FAM186A: variants seen among roughly 807,000 people sequenced by gnomAD.
FAM186A encodes the protein protein FAM186A.
Under a neutral mutation model 216.8 loss-of-function variants are expected in FAM186A, and 163 were observed. The observed-to-expected ratio is 0.75, with a 90% confidence interval of 0.66 to 0.86. FAM186A has a LOEUF of 0.86. Ranked by LOEUF, FAM186A falls within the 40% of genes least tolerant of loss-of-function variation. The pLI, the probability that FAM186A is intolerant of heterozygous loss-of-function variation, is 0.00. For synonymous variants in FAM186A, 805 were observed against 1,025.3 expected (o/e 0.79, Z 4.10); for missense variants, 2,184 against 2,746.2 (o/e 0.80, Z 4.58).
chr12:50,327,993 A>G (rs761103517), intron 7 of FAM186A, among the ~76,000 whole-genome samples: 13 of 152,194 alleles, frequency 8.5e-5, no homozygotes, highest in Non-Finnish European at 1.8e-4. Flanking sequence ...TTGATAATTA[A>G]TGATTGTTAT....
In FAM186A at chr12:50,337,460, T is replaced by A. The variant is rs1018317026; in HGVS notation, c.6504-3357A>T. ...ATAGGCACACCGTCAGGCCTGCCAA[T>A]TTTTTTTTTTTTTTTTTAAGTAGAG... is the stretch of plus-strand genomic sequence containing the variant. On this transcript the variant is annotated intron_variant, in intron 4 of 7. Transcript: ENST00000327337. 1.3e-3 allele frequency among the ~76,000 whole-genome samples: 161 copies of A among 127,082 alleles called. 2 individuals are homozygous for A. The highest frequency in any genetic ancestry group is 4.4e-3 in the African/African-American group (153 of 34,572). 83.4% of individuals were successfully genotyped at this position (127,082 alleles called of 152,430 possible).
chr12:50,340,642 T>G (rs1942753702), intron 4 of FAM186A, among the ~76,000 whole-genome samples: 2 of 151,254 alleles, frequency 1.3e-5, no homozygotes, highest in South Asian at 4.2e-4. Context: ...ACCAATGCAC[T>G]CCAGCCTGGT....
At chr12:50,376,543 C>G (rs1286577725) in intron 1 of FAM186A, among the ~76,000 whole-genome samples, 1 of 152,036 alleles carries the variant, frequency 6.6e-6, no homozygotes, top group Non-Finnish European at 1.5e-5. Flanking sequence ...CTAGGAGTCT[C>G]TGAGTCTGGC....
At chr12:50,331,886 T>G in intron 5 of FAM186A, 65 bp from the exon 6 acceptor site, 2 of 1,384,250 alleles carry the variant, frequency 1.4e-6, no homozygotes, top group Non-Finnish European at 1.9e-6. Context: ...AGAAGGGTCT[T>G]CAGAGCTGGC....
At chr12:50,346,220 G>GAGAGAAGGAAAGAAAGAAAAAGAAA (rs1555215373) in intron 4 of FAM186A, among the ~76,000 whole-genome samples, 2 of 46,744 alleles carry the variant, frequency 4.3e-5, no homozygotes, top group Non-Finnish European at 7.5e-5. Context: ...AGAGAGAGAA[G>GAGAGAAGGAAAGAAAGAAAAAGAAA]GAAAGAAAGA....
intron 4 of FAM186A, among the ~76,000 whole-genome samples, chr12:50,341,521 A>G (rs997712701): frequency 2.6e-5 from 4 of 152,184 alleles, no homozygotes; most frequent in African/African-American, 4.8e-5. Context: ...AAAGTCTTCA[A>G]TAAATCTAAA....
chr12:50,358,780 A>T (rs1413683421), intron 3 of FAM186A, among the ~76,000 whole-genome samples: 1 of 150,958 alleles, frequency 6.6e-6, no homozygotes, highest in Non-Finnish European at 1.5e-5. Context: ...AAAATTAACC[A>T]TGCGTGGTGG....
intron 4 of FAM186A, among the ~76,000 whole-genome samples, chr12:50,337,733 T>C (rs773763404): frequency 1.6e-4 from 24 of 151,858 alleles, no homozygotes; most frequent in Non-Finnish European, 2.5e-4. Context: ...CCGTCCCTAC[T>C]AAAAATACAA....
chr12:50,332,277 T>C (rs1942663576), intron 5 of FAM186A, among the ~76,000 whole-genome samples: 1 of 152,230 alleles, frequency 6.6e-6, no homozygotes, highest in African/African-American at 2.4e-5. Context: ...GCTGATTTGG[T>C]ATTTATAACA....
chr12:50,334,207 G>A, intron 4 of FAM186A, 104 bp from the exon 5 acceptor site: 1 of 1,039,970 alleles, frequency 9.6e-7, no homozygotes, highest in East Asian at 2.7e-5. Flanking sequence ...TTTCGATCTT[G>A]TTGCCCAGGC....
intron 3 of FAM186A, 74 bp from the exon 4 acceptor site, chr12:50,356,322 A>G (rs1942977283): frequency 8.0e-7 from 1 of 1,251,976 alleles, no homozygotes; most frequent in Non-Finnish European, 1.1e-6. Context: ...GTTTAAATCT[A>G]AGGAATTTAG....
chr12:50,375,526 G>A (rs541616072), intron 1 of FAM186A, among the ~76,000 whole-genome samples: 2 of 150,208 alleles, frequency 1.3e-5, no homozygotes, highest in African/African-American at 4.9e-5. Context: ...TCCAACCTGG[G>A]CAACAAGAGC....
Position 50,355,499 on chromosome 12 carries a change from C to A in FAM186A, c.1333G>T (p.Asp445Tyr). 1 of 1,551,188 alleles carries A rather than the reference C, an allele frequency of 6.4e-7. No homozygotes were observed. Among genetic ancestry groups the A allele is most frequent in the Non-Finnish European group, 8.7e-7 (1 of 1,146,892 alleles). Residue 445 changes from aspartate to tyrosine, a missense_variant, in exon 4 of 8, where the codon GAT (aspartate) becomes TAT (tyrosine). Transcript: ENST00000327337. The stretch of plus-strand genomic sequence containing the variant: ...TCAGTCTCATCTTCCTGATAGAAAT[C>A]ACCTTTCTTCAATGATACGTTATCT... ...TKDNVSLKKG[D>Y]FYQEDETDEY... is the part of the protein sequence containing the mutation.
Position 50,355,234 on chromosome 12 carries a change from T to C in FAM186A, c.1598A>G (p.Gln533Arg). 7.7e-6 allele frequency: 12 copies of C among 1,551,736 alleles called. No individual in the cohort carries two copies. Among genetic ancestry groups the C allele is most frequent in the Non-Finnish European group, 9.6e-6 (11 of 1,146,990 alleles). Residue 533 changes from glutamine (Q) to arginine (R), a missense_variant, in exon 4 of 8, where the codon CAA becomes CGA. Coordinates refer to ENST00000327337, the MANE Select transcript of FAM186A (RefSeq NM_001145475.3). ...CATACTTGTTCCACTTTTGCCACCT[T>C]GGCTCTTTGTTTCAGTTAAAGAGAG... The part of the protein sequence containing the change: ...KHLSLTETKS[Q>R]GGKSGTSMMM...
At chr12:50,390,341 C>T (rs1282796815) in intron 1 of FAM186A, among the ~76,000 whole-genome samples, 1 of 152,076 alleles carries the variant, frequency 6.6e-6, no homozygotes, top group African/African-American at 2.4e-5. Flanking sequence ...ACTTGAGGTC[C>T]TGTTCACTCA....
At chr12:50,339,272 C>T (rs1942740096) in intron 4 of FAM186A, among the ~76,000 whole-genome samples, 1 of 152,166 alleles carries the variant, frequency 6.6e-6, no homozygotes, top group Non-Finnish European at 1.5e-5. Context: ...CCATTTTGGC[C>T]TCTCAAAGTG....
rs565905968 is a variant in FAM186A, at chr12:50,341,443, T to C, written c.6504-7340A>G. Among the ~76,000 whole-genome samples, 3 of 152,340 alleles carry C rather than the reference T, an allele frequency of 2.0e-5. No homozygotes were observed. In the South Asian group the frequency reaches 6.2e-4, roughly 32 times the overall value. ...TTGATCCTCGATGGGATTAAGGTTA[T>C]GATTGTATAAAGTCATATTTTTAAA... On this transcript the variant is annotated intron_variant, in intron 4 of 7. Coordinates refer to ENST00000327337, the MANE Select transcript of FAM186A (RefSeq NM_001145475.3).
intron 2 of FAM186A, among the ~76,000 whole-genome samples, 186 bp downstream of exon 2, chr12:50,362,959 C>T (rs1441072788): frequency 2.0e-5 from 3 of 152,142 alleles, no homozygotes. Context: ...GCATAGCTGG[C>T]ACTAAGTGAA....
At chr12:50,370,104 A>G (rs1329127882) in intron 1 of FAM186A, among the ~76,000 whole-genome samples, 3 of 131,218 alleles carry the variant, frequency 2.3e-5, no homozygotes, top group Non-Finnish European at 3.2e-5. Context: ...AGCCTGGGCG[A>G]CAGAGCGAGA....
Sources: gnomAD v4.1 joint callset for allele counts (sites outside exome capture counted in the v4.1 genomes callset) on GRCh38, gnomAD v4.1.1 for gene constraint, MANE v1.5 for transcripts, NCBI Gene and HGNC (gene_info 2026-07-23, HGNC 2026-07-21) for gene names.